Variants in DPF3 observed in about 807,000 individuals in gnomAD.
The protein encoded by DPF3 is zinc finger protein DPF3.
A neutral mutation model predicts 56.8 loss-of-function variants in DPF3; 18 were observed. The observed-to-expected ratio is 0.32, with a 90% confidence interval of 0.22 to 0.47. The LOEUF is 0.47. Ranked by LOEUF, DPF3 falls within the 20% of genes least tolerant of loss-of-function variation. The probability of loss-of-function intolerance (pLI) is 1.00; values close to 1 mark genes in which losing one functional copy is unlikely to be tolerated. For synonymous variants in DPF3, 188 were observed against 180.2 expected, an observed-to-expected ratio of 1.04 and a Z score of -0.35; for missense variants, 403 against 488.8, an observed-to-expected ratio of 0.82 and a Z score of 1.65.
Position 72,780,941 on chromosome 14 carries a change from C to T in DPF3, c.33-9048G>A, listed in dbSNP as rs545207260. On this transcript the variant is annotated intron_variant, in intron 1 of 10. Transcript: ENST00000556509. The stretch of plus-strand genomic sequence containing the variant: ...CTCAAACTCAGGATTGTGAAAGAAT[C>T]GCTAAGGGGTGGGAAGCTGTGCAAT... Among the ~76,000 whole-genome samples the T allele has an allele frequency of 3.9e-5, 6 of 152,248 alleles. No homozygotes were observed. The South Asian group carries it at 1.2e-3, about 32-fold the overall frequency.
At chr14:72,756,949 G>GAAAGAAA (rs1285144605) in intron 2 of DPF3, among the ~76,000 whole-genome samples, 65 of 90,630 alleles carry the variant, frequency 7.2e-4, no homozygotes, top group South Asian at 3.4e-3. Context: ...AGAAGAGAAA[G>GAAAGAAA]GGAGAGGGAA....
chr14:72,774,019 T>C, intron 1 of DPF3: 1 of 453,034 alleles, frequency 2.2e-6, no homozygotes, highest in Non-Finnish European at 4.4e-6. Context: ...GCGCAGTGGC[T>C]CATGCCTGTA....
intron 1 of DPF3, among the ~76,000 whole-genome samples, chr14:72,871,517 G>A (rs889103542): frequency 1.3e-5 from 2 of 152,190 alleles, no homozygotes; most frequent in Non-Finnish European, 2.9e-5. Flanking sequence ...ATCCAGCAAG[G>A]CAGTCAAACA....
rs541091800 is a variant in DPF3, at chr14:72,691,204, T to C, written c.742+1872A>G. Among the ~76,000 whole-genome samples, 11 of 152,252 alleles carry C rather than the reference T, an allele frequency of 7.2e-5. No homozygotes were observed. In the South Asian group the frequency reaches 2.3e-3, roughly 32 times the overall value. On this transcript the variant is annotated intron_variant, in intron 7 of 10. Coordinates refer to ENST00000556509, the MANE Select transcript of DPF3 (RefSeq NM_001280542.3). ...CAGCAGGTGAGAAAGCAAGGGTCTG[T>C]CGCACTAAAGGCTTGCACCTTGGAA...
intron 1 of DPF3, among the ~76,000 whole-genome samples, chr14:72,863,555 T>TAAA (rs76280301): frequency 3.8e-5 from 4 of 104,312 alleles, no homozygotes; most frequent in Admixed American, 9.9e-5. Flanking sequence ...TGTAGGATTC[T>TAAA]AAAAAAAAAA....
In DPF3 at chr14:72,693,145, C is replaced by T. The variant is rs780802677; in HGVS notation, c.673G>A (p.Glu225Lys). Residue 225 changes from glutamate (E) to lysine (K), a missense_variant, in exon 7 of 11, where the codon GAG (glutamate) becomes AAG (lysine). This residue lies in a region of DPF3 where 340 missense variants were observed against 374.3 expected (regional missense o/e 0.91). Coordinates refer to ENST00000556509, the MANE Select transcript of DPF3 (RefSeq NM_001280542.3). ...TGGTCTTGAGCTTCATCCCCCTCCT[C>T]GCTGGCCAGGTGAGTGTGAGCATAG... ...YHYAHTHLAS[E>K]EGDEAQDQET... The T allele has an allele frequency of 6.8e-6, 11 of 1,613,906 alleles. No homozygotes were observed. The South Asian group carries it at 9.9e-5, about 14-fold the overall frequency.
intron 3 of DPF3, among the ~76,000 whole-genome samples, chr14:72,732,199 C>T (rs556457398): frequency 2.8e-4 from 43 of 152,348 alleles, no homozygotes; most frequent in African/African-American, 9.9e-4. Flanking sequence ...TGGGCTCACA[C>T]GGCCATGCTT....
At position 72,609,371 on chromosome 14, in the gene DPF3, G is replaced by A. The variant is rs1216713470; in HGVS notation, c.*9926C>T. On this transcript the variant is annotated 3_prime_UTR_variant, in exon 11 of 11. Coordinates refer to ENST00000556509, the MANE Select transcript of DPF3 (RefSeq NM_001280542.3). ...TCTTCTGAATGAAGAGTGAGTCCCG[G>A]GTCAGGAGTCCACATCAGGTGTGGG... is the stretch of plus-strand genomic sequence containing the variant. Among the ~76,000 whole-genome samples, 1 of 152,172 alleles carries A rather than the reference G, an allele frequency of 6.6e-6. No homozygotes were observed.
intron 7 of DPF3, among the ~76,000 whole-genome samples, chr14:72,683,878 A>G (rs1225463051): frequency 2.6e-5 from 4 of 152,130 alleles, no homozygotes; most frequent in Non-Finnish European, 5.9e-5. Context: ...TGGGGCTTTC[A>G]GTGCTGTAGC....
intron 1 of DPF3, among the ~76,000 whole-genome samples, chr14:72,882,274 A>G (rs1886353370): frequency 6.6e-6 from 1 of 151,950 alleles, no homozygotes; most frequent in Admixed American, 6.6e-5. Flanking sequence ...AATGGTGGGA[A>G]CTCTTTTTTC....
intron 2 of DPF3, among the ~76,000 whole-genome samples, chr14:72,764,737 C>T (rs554416836): frequency 6.6e-5 from 10 of 151,986 alleles, no homozygotes; most frequent in Non-Finnish European, 1.2e-4. Context: ...ATGATCCACC[C>T]GCCTCAGCCT....
chr14:72,741,412 C>T (rs953447261), intron 3 of DPF3, among the ~76,000 whole-genome samples: 2 of 152,236 alleles, frequency 1.3e-5, no homozygotes, highest in African/African-American at 4.8e-5. Flanking sequence ...CCTGTGATCC[C>T]TGTTTGGTGC....
chr14:72,733,682 C>G (rs147600800), intron 3 of DPF3, among the ~76,000 whole-genome samples: 1 of 152,126 alleles, frequency 6.6e-6, no homozygotes, highest in Non-Finnish European at 1.5e-5. Flanking sequence ...GAGCTCCGAG[C>G]AGGGTGAAGA....
intron 6 of DPF3, among the ~76,000 whole-genome samples, chr14:72,712,316 AG>A (rs966709411): frequency 6.6e-6 from 1 of 152,268 alleles, no homozygotes; most frequent in Non-Finnish European, 1.5e-5. Flanking sequence ...TTGCAGAAAG[AG>A]GGGTGCCCAG....
At chr14:72,769,168 C>A (rs1891414906) in intron 2 of DPF3, among the ~76,000 whole-genome samples, 1 of 152,118 alleles carries the variant, frequency 6.6e-6, no homozygotes, top group Admixed American at 6.5e-5. Context: ...TTTCTTAGTT[C>A]TAGTCACTGA....
intron 6 of DPF3, among the ~76,000 whole-genome samples, chr14:72,712,331 G>C (rs970277840): frequency 2.0e-5 from 3 of 152,198 alleles, no homozygotes; most frequent in African/African-American, 7.2e-5. Context: ...TGCCCAGTAA[G>C]AGAGGGATGC....
chr14:72,864,367 A>G (rs1885577001), intron 1 of DPF3, among the ~76,000 whole-genome samples: 1 of 152,210 alleles, frequency 6.6e-6, no homozygotes, highest in African/African-American at 2.4e-5. Flanking sequence ...TTTCTGCCAC[A>G]GCATTTACAC....
At chr14:72,808,118 C>T (rs1882870406) in intron 1 of DPF3, among the ~76,000 whole-genome samples, 1 of 151,896 alleles carries the variant, frequency 6.6e-6, no homozygotes, top group Non-Finnish European at 1.5e-5. Context: ...GGGTAGAGGT[C>T]AGGGATGGAC....
At chr14:72,862,370 G>C (rs1291291748) in intron 1 of DPF3, among the ~76,000 whole-genome samples, 1 of 152,030 alleles carries the variant, frequency 6.6e-6, no homozygotes, top group Non-Finnish European at 1.5e-5. Flanking sequence ...ACTTGCTCAG[G>C]CCAAATGGAT....
Sources: allele counts gnomAD v4.1 joint callset (sites outside exome capture counted in the v4.1 genomes callset), GRCh38; gene constraint gnomAD v4.1.1; regional missense constraint gnomAD v4.1.1; transcripts MANE v1.5; gene names NCBI Gene and HGNC (gene_info 2026-07-23, HGNC 2026-07-21).